Variants in ADAMTSL3 observed in about 807,000 individuals in gnomAD.
ADAMTSL3 encodes the protein ADAMTS like 3.
ADAMTSL3 carries 128 observed loss-of-function variants against 201.7 expected under a neutral mutation model. That is an observed-to-expected ratio of 0.63 (90% CI 0.55 to 0.73). The LOEUF (loss-of-function observed/expected upper bound fraction) is 0.73. ADAMTSL3 is among the 30% of genes least tolerant of loss of function. The pLI, the probability that ADAMTSL3 is intolerant of heterozygous loss-of-function variation, is 0.00. For missense variants in ADAMTSL3, 1,990 were observed against 2,119.6 expected, an observed-to-expected ratio of 0.94 and a Z score of 1.20; for synonymous variants, 738 against 748.4, an observed-to-expected ratio of 0.99 and a Z score of 0.23.
chr15:83,873,196 CAG>C (rs1345797867), intron 9 of ADAMTSL3, among the ~76,000 whole-genome samples: 2 of 144,272 alleles, frequency 1.4e-5, no homozygotes, highest in African/African-American at 5.3e-5. Context: ...CCCAGCCACT[CAG>C]GGGGCTGAGG....
intron 17 of ADAMTSL3, among the ~76,000 whole-genome samples, 155 bp from the exon 18 acceptor site, chr15:83,942,441 A>G (rs1042150440): frequency 6.6e-6 from 1 of 152,152 alleles, no homozygotes; most frequent in African/African-American, 2.4e-5. Context: ...CTGTGTTTTA[A>G]TTGCGTATAT....
At chr15:83,753,610 C>T (rs147518460) in intron 3 of ADAMTSL3, among the ~76,000 whole-genome samples, 3 of 150,848 alleles carry the variant, frequency 2.0e-5, no homozygotes, top group Admixed American at 1.3e-4. Context: ...TAAGAAAAGT[C>T]GAAAAAGAAT....
chr15:83,727,006 T>C (rs899256694), intron 3 of ADAMTSL3, among the ~76,000 whole-genome samples: 2 of 152,060 alleles, frequency 1.3e-5, no homozygotes, highest in Non-Finnish European at 2.9e-5. Context: ...AATTCAGTAG[T>C]GAAGCCATTG....
chr15:83,849,185 A>G (rs1567187402), intron 7 of ADAMTSL3, among the ~76,000 whole-genome samples: 1 of 152,144 alleles, frequency 6.6e-6, no homozygotes, highest in African/African-American at 2.4e-5. Context: ...TGAATGCAAT[A>G]GCATAATCCT....
chr15:84,002,469 C>A (rs928820148), intron 23 of ADAMTSL3, among the ~76,000 whole-genome samples: 1 of 152,292 alleles, frequency 6.6e-6, no homozygotes, highest in Non-Finnish European at 1.5e-5. Flanking sequence ...AATGTTTAAC[C>A]TATCACATGG....
intron 25 of ADAMTSL3, among the ~76,000 whole-genome samples, chr15:84,019,620 G>T (rs1053157002): frequency 6.6e-6 from 1 of 152,034 alleles, no homozygotes; most frequent in Non-Finnish European, 1.5e-5. Context: ...AAGGCCGGGC[G>T]CAGTGGCTCA....
intron 20 of ADAMTSL3, among the ~76,000 whole-genome samples, chr15:83,981,826 G>A (rs549465626): frequency 1.3e-5 from 2 of 152,314 alleles, no homozygotes; most frequent in African/African-American, 4.8e-5. Flanking sequence ...CTAAGCCAGA[G>A]GGCCTCTCTG....
At chr15:83,732,827 G>A (rs1000215501) in intron 3 of ADAMTSL3, among the ~76,000 whole-genome samples, 1 of 152,044 alleles carries the variant, frequency 6.6e-6, no homozygotes, top group Non-Finnish European at 1.5e-5. Context: ...TGTTAAAGGG[G>A]TATGTTTCTT....
At chr15:83,757,846 A>C in intron 3 of ADAMTSL3, among the ~76,000 whole-genome samples, 1 of 152,184 alleles carries the variant, frequency 6.6e-6, no homozygotes, top group East Asian at 1.9e-4. Context: ...TCAAGTTCAA[A>C]GTTCCACATA....
intron 16 of ADAMTSL3, among the ~76,000 whole-genome samples, chr15:83,918,866 G>C (rs1485544214): frequency 6.6e-6 from 1 of 152,130 alleles, no homozygotes; most frequent in Non-Finnish European, 1.5e-5. Context: ...GATCACATAG[G>C]AAGCTATTGC....
At chr15:83,745,135 C>T (rs759107683) in intron 3 of ADAMTSL3, among the ~76,000 whole-genome samples, 14 of 152,316 alleles carry the variant, frequency 9.2e-5, no homozygotes, top group Admixed American at 3.9e-4. Context: ...GGCTTGACTT[C>T]GGCTGGGCGG....
intron 6 of ADAMTSL3, among the ~76,000 whole-genome samples, chr15:83,828,877 C>A (rs2064086100): frequency 6.6e-6 from 1 of 152,274 alleles, no homozygotes; most frequent in South Asian, 2.1e-4. Flanking sequence ...GGATGAAGCC[C>A]ACTTGATCAT....
At chr15:84,030,190 C>T (rs1020374933) in intron 27 of ADAMTSL3, among the ~76,000 whole-genome samples, 5 of 152,220 alleles carry the variant, frequency 3.3e-5, no homozygotes, top group Non-Finnish European at 7.3e-5. Context: ...CACCATCCTT[C>T]TGACCCCAGA....
chr15:83,932,372 G>A (rs1223643986), intron 17 of ADAMTSL3, among the ~76,000 whole-genome samples: 1 of 152,216 alleles, frequency 6.6e-6, no homozygotes, highest in Non-Finnish European at 1.5e-5. Context: ...CTGAAGCATT[G>A]CCTTAGTGGG....
chr15:83,747,179 T>C (rs2062560481), intron 3 of ADAMTSL3, among the ~76,000 whole-genome samples: 1 of 152,182 alleles, frequency 6.6e-6, no homozygotes, highest in African/African-American at 2.4e-5. Context: ...TGGGCTGCCC[T>C]CTTGCTGCAA....
At position 83,659,038 on chromosome 15, in the gene ADAMTSL3, A is replaced by G. The variant is rs370497918; in HGVS notation, c.69+3208A>G. 1.5e-4 allele frequency among the ~76,000 whole-genome samples: 23 copies of G among 152,330 alleles called. No individual in the cohort carries two copies. The South Asian group carries it at 3.1e-3, about 21-fold the overall frequency. On this transcript the variant is annotated intron_variant, in intron 2 of 29. Coordinates refer to ENST00000286744, the MANE Select transcript of ADAMTSL3 (RefSeq NM_207517.3). Reference sequence around the variant, plus strand: ...CAACCATGTCAAGATGGCTTCGTGTATATCTGAATGGCCCTCCACCGTGTT... The same window carrying G: ...CAACCATGTCAAGATGGCTTCGTGTGTATCTGAATGGCCCTCCACCGTGTT...
intron 2 of ADAMTSL3, among the ~76,000 whole-genome samples, chr15:83,697,184 C>A (rs2061697951): frequency 6.6e-6 from 1 of 152,126 alleles, no homozygotes; most frequent in South Asian, 2.1e-4. Flanking sequence ...TCTAGGAATA[C>A]CCTCTTCTCC....
At chr15:83,763,506 C>CTT (rs1294346370) in intron 3 of ADAMTSL3, among the ~76,000 whole-genome samples, 60 of 131,962 alleles carry the variant, frequency 4.5e-4, no homozygotes, top group East Asian at 8.9e-4. Context: ...ACAAATAATT[C>CTT]TTTTTTTTTT....
rs567064998 is a variant in ADAMTSL3 at position 83,701,390 on chromosome 15, A to G, written c.70-2999A>G. 7.9e-5 allele frequency among the ~76,000 whole-genome samples: 12 copies of G among 152,310 alleles called. No individual in the cohort carries two copies. The South Asian group carries it at 1.0e-3, about 13-fold the overall frequency. The stretch of plus-strand genomic sequence containing the variant: ...TCCATTGGGTCATCATATCCCAGCC[A>G]TATTCCCCTAAAGAGGGTGTCCTTT... On this transcript the variant is annotated intron_variant, in intron 2 of 29. Transcript: ENST00000286744.
Sources: allele counts gnomAD v4.1 joint callset (sites outside exome capture counted in the v4.1 genomes callset), GRCh38; gene constraint gnomAD v4.1.1; transcripts MANE v1.5; gene names NCBI Gene and HGNC (gene_info 2026-07-23, HGNC 2026-07-21).